Variants in ERC2 observed in about 807,000 individuals in gnomAD.
The protein encoded by ERC2 is ELKS/RAB6-interacting/CAST family member 2.
ERC2 carries 42 observed loss-of-function variants against 114.8 expected under a neutral mutation model. The observed-to-expected ratio is 0.37, with a 90% CI of 0.29 to 0.47. The LOEUF (loss-of-function observed/expected upper bound fraction) is 0.47. Among genes scored for constraint, ERC2 ranks in the 20% least tolerant of loss-of-function variants. The probability of loss-of-function intolerance (pLI) is 0.99; values close to 1 mark genes in which losing one functional copy is unlikely to be tolerated. For missense variants in ERC2, 939 were observed against 1,150.7 expected (o/e 0.82, Z 2.66); for synonymous variants, 454 against 425.5 (o/e 1.07, Z -0.82).
chr3:56,285,110 C>A (rs1000590071), intron 3 of ERC2, among the ~76,000 whole-genome samples: 7 of 141,040 alleles, frequency 5.0e-5, no homozygotes, highest in Non-Finnish European at 6.1e-5. Context: ...CCCATCCCTA[C>A]CTCCCCCCAG....
intron 3 of ERC2, among the ~76,000 whole-genome samples, chr3:56,269,569 T>C (rs1470000071): frequency 6.6e-6 from 1 of 152,064 alleles, no homozygotes; most frequent in African/African-American, 2.4e-5. Context: ...CTTAGCAACA[T>C]AGGAGGAACT....
intron 8 of ERC2, among the ~76,000 whole-genome samples, chr3:56,018,627 A>T (rs1037381226): frequency 3.3e-5 from 5 of 152,168 alleles, no homozygotes; most frequent in Non-Finnish European, 7.4e-5. Flanking sequence ...TTCAAATTAT[A>T]TCATCGTAAG....
chr3:56,223,861 A>G (rs2050085421), intron 3 of ERC2, among the ~76,000 whole-genome samples: 1 of 152,210 alleles, frequency 6.6e-6, no homozygotes, highest in Non-Finnish European at 1.5e-5. Flanking sequence ...TTATCTCCAC[A>G]TGTTAAAAGC....
chr3:55,770,134 A>G (rs1205995425), intron 14 of ERC2, among the ~76,000 whole-genome samples: 2 of 152,188 alleles, frequency 1.3e-5, no homozygotes, highest in Non-Finnish European at 2.9e-5. Flanking sequence ...CTGCCAGGAG[A>G]ATGGCATATC....
chr3:55,721,110 G>A (rs2148886596), intron 15 of ERC2, among the ~76,000 whole-genome samples: 1 of 152,320 alleles, frequency 6.6e-6, no homozygotes, highest in South Asian at 2.1e-4. Context: ...TCCTGATGGG[G>A]AAAATGGCAA....
intron 3 of ERC2, among the ~76,000 whole-genome samples, chr3:56,180,052 G>T (rs1376983): frequency 0.46 from 70,523 of 151,816 alleles, 16,663 homozygotes; most frequent in East Asian, 0.69. Context: ...GACAGCTAGT[G>T]AAGTAGGAAG....
chr3:56,162,637 T>C (rs2082110875), intron 4 of ERC2, among the ~76,000 whole-genome samples: 1 of 152,224 alleles, frequency 6.6e-6, no homozygotes, highest in African/African-American at 2.4e-5. Context: ...ATTTACCCAG[T>C]TCCTCTAGAT....
At chr3:56,184,251 T>C (rs763561716) in intron 3 of ERC2, among the ~76,000 whole-genome samples, 1 of 152,156 alleles carries the variant, frequency 6.6e-6, no homozygotes, top group Non-Finnish European at 1.5e-5. Context: ...ATGTTAGCAA[T>C]GTCATAGGGA....
At chr3:55,803,764 G>A (rs1175009943) in intron 14 of ERC2, among the ~76,000 whole-genome samples, 1 of 152,118 alleles carries the variant, frequency 6.6e-6, no homozygotes, top group Non-Finnish European at 1.5e-5. Flanking sequence ...GAGAACAGAT[G>A]TTATGCTATC....
At chr3:55,749,835 A>T (rs115306095) in intron 14 of ERC2, among the ~76,000 whole-genome samples, 2,646 of 152,310 alleles carry the variant, frequency 0.017, 76 homozygotes, top group African/African-American at 0.061. Flanking sequence ...TCTTTGGATC[A>T]GTGCCATCTT....
At chr3:55,848,078 T>A (rs1379237208) in intron 14 of ERC2, among the ~76,000 whole-genome samples, 3 of 152,150 alleles carry the variant, frequency 2.0e-5, no homozygotes, top group Non-Finnish European at 2.9e-5. Context: ...ATTACAGGCA[T>A]GAGCCACCAA....
chr3:56,194,405 C>T (rs2047972487), intron 3 of ERC2, among the ~76,000 whole-genome samples: 1 of 152,160 alleles, frequency 6.6e-6, no homozygotes, highest in South Asian at 2.1e-4. Flanking sequence ...ATAAGAGAAA[C>T]GGCAGGCACC....
At chr3:56,387,471 C>T (rs1318337002) in intron 2 of ERC2, among the ~76,000 whole-genome samples, 1 of 152,086 alleles carries the variant, frequency 6.6e-6, no homozygotes, top group East Asian at 1.9e-4. Context: ...ATATTAACTC[C>T]CTGCTGTTTG....
intron 1 of ERC2, among the ~76,000 whole-genome samples, chr3:56,458,718 A>C (rs1359961606): frequency 6.6e-6 from 1 of 152,146 alleles, no homozygotes; most frequent in East Asian, 1.9e-4. Flanking sequence ...GAACAATACG[A>C]ATAAAGGGTC....
intron 9 of ERC2, among the ~76,000 whole-genome samples, chr3:56,008,915 G>GTT (rs1213765978): frequency 3.9e-5 from 6 of 152,276 alleles, no homozygotes; most frequent in African/African-American, 1.2e-4. Flanking sequence ...CCTAGCCTCT[G>GTT]TAACTGTGTA....
intron 14 of ERC2, among the ~76,000 whole-genome samples, chr3:55,792,251 C>T (rs1235671649): frequency 1.3e-5 from 2 of 152,130 alleles, no homozygotes; most frequent in Non-Finnish European, 2.9e-5. Flanking sequence ...TGACTGCTAA[C>T]TCAGCAAAAC....
intron 2 of ERC2, among the ~76,000 whole-genome samples, chr3:56,298,973 T>A (rs1560546520): frequency 6.6e-6 from 1 of 152,138 alleles, no homozygotes; most frequent in Non-Finnish European, 1.5e-5. Context: ...CACAGGAGTA[T>A]CCGCAGCCTT....
chr3:55,997,224 A>C (rs1479917705), intron 10 of ERC2, among the ~76,000 whole-genome samples: 2 of 152,160 alleles, frequency 1.3e-5, no homozygotes, highest in Non-Finnish European at 2.9e-5. Context: ...GTATTTGATG[A>C]CTTTTCTTCC....
intron 2 of ERC2, among the ~76,000 whole-genome samples, chr3:56,318,664 G>T (rs2056982102): frequency 6.6e-6 from 1 of 150,472 alleles, no homozygotes; most frequent in Non-Finnish European, 1.5e-5. Context: ...TTCTTCAAAA[G>T]AAAACATACA....
Sources: gnomAD v4.1 joint callset for allele counts (sites outside exome capture counted in the v4.1 genomes callset) on GRCh38, gnomAD v4.1.1 for gene constraint, MANE v1.5 for transcripts, NCBI Gene and HGNC (gene_info 2026-07-23, HGNC 2026-07-21) for gene names.